The following CNTN4 variants were observed in gnomAD, a reference collection of about 807,000 sequenced individuals.
The protein encoded by CNTN4 is contactin 4.
CNTN4 carries 77 observed loss-of-function variants against 122.5 expected under a neutral mutation model. The observed-to-expected ratio is 0.63, with a 90% confidence interval of 0.52 to 0.76. CNTN4 has a LOEUF of 0.76. Ranked by LOEUF, CNTN4 falls within the 30% of genes least tolerant of loss-of-function variation. CNTN4 has a pLI of 0.00. For missense variants in CNTN4, 1,256 were observed against 1,259.1 expected (o/e 1.00, Z 0.04); for synonymous variants, 512 against 447.0 (o/e 1.15, Z -1.83).
chr3:2,638,955 C>G (rs947622609), intron 4 of CNTN4, among the ~76,000 whole-genome samples: 5 of 152,190 alleles, frequency 3.3e-5, no homozygotes, highest in African/African-American at 1.2e-4. Context: ...CAGCAAGCAT[C>G]TTTCTTCTGG....
chr3:2,346,653 G>T (rs1354945467), intron 3 of CNTN4, among the ~76,000 whole-genome samples: 1 of 152,080 alleles, frequency 6.6e-6, no homozygotes, highest in Non-Finnish European at 1.5e-5. Context: ...AGATATTGTT[G>T]TATTGTTTTC....
chr3:2,895,756 T>G (rs184246471), intron 10 of CNTN4, among the ~76,000 whole-genome samples: 8 of 152,162 alleles, frequency 5.3e-5, no homozygotes, highest in South Asian at 2.1e-4. Flanking sequence ...AAGGAGGGGC[T>G]GGGCGCAGTG....
chr3:2,669,307 G>A (rs2084358576), intron 4 of CNTN4, among the ~76,000 whole-genome samples: 1 of 152,070 alleles, frequency 6.6e-6, no homozygotes, highest in African/African-American at 2.4e-5. Flanking sequence ...ACTTCTTCCT[G>A]GTTTAGTCTT....
intron 3 of CNTN4, among the ~76,000 whole-genome samples, chr3:2,390,045 A>G (rs952841118): frequency 1.3e-5 from 2 of 152,196 alleles, no homozygotes; most frequent in Non-Finnish European, 2.9e-5. Flanking sequence ...CTGGAAAAAT[A>G]TGAATAGGGT....
intron 4 of CNTN4, among the ~76,000 whole-genome samples, chr3:2,670,932 T>C (rs2084474456): frequency 6.6e-6 from 1 of 152,232 alleles, no homozygotes; most frequent in South Asian, 2.1e-4. Flanking sequence ...CCCCACTCTC[T>C]TCTGGCTTGT....
At chr3:2,615,817 A>G (rs960959537) in intron 4 of CNTN4, among the ~76,000 whole-genome samples, 1 of 152,176 alleles carries the variant, frequency 6.6e-6, no homozygotes, top group Non-Finnish European at 1.5e-5. Context: ...AATGACCTAT[A>G]AAAGCACTGA....
intron 4 of CNTN4, among the ~76,000 whole-genome samples, chr3:2,605,203 T>C (rs958189532): frequency 2.6e-5 from 4 of 152,174 alleles, no homozygotes; most frequent in African/African-American, 9.7e-5. Flanking sequence ...GTTCTTGCTA[T>C]GTTGACAAGG....
chr3:2,242,313 C>T (rs887847298), intron 2 of CNTN4, among the ~76,000 whole-genome samples: 1 of 152,158 alleles, frequency 6.6e-6, no homozygotes, highest in South Asian at 2.1e-4. Context: ...CGTGTTTCAT[C>T]TGATTTGGTC....
At chr3:2,191,593 A>C (rs2037548959) in intron 2 of CNTN4, among the ~76,000 whole-genome samples, 1 of 151,784 alleles carries the variant, frequency 6.6e-6, no homozygotes, top group Non-Finnish European at 1.5e-5. Context: ...TTTTTTTATT[A>C]GCTAGTCATA....
At chr3:2,689,862 G>A (rs751978724) in intron 4 of CNTN4, among the ~76,000 whole-genome samples, 4 of 151,998 alleles carry the variant, frequency 2.6e-5, no homozygotes, top group African/African-American at 7.2e-5. Flanking sequence ...AATTCTTACC[G>A]GTTCACTGTT....
chr3:2,401,183 C>A (rs891708092), intron 3 of CNTN4, among the ~76,000 whole-genome samples: 2 of 152,102 alleles, frequency 1.3e-5, no homozygotes, highest in African/African-American at 4.8e-5. Flanking sequence ...ATCTGAGTTA[C>A]GTTCTTTGGA....
intron 4 of CNTN4, among the ~76,000 whole-genome samples, chr3:2,634,770 C>T (rs539311684): frequency 2.6e-5 from 4 of 151,656 alleles, no homozygotes; most frequent in African/African-American, 7.2e-5. Flanking sequence ...GCAGGAGAAT[C>T]GCTTGAACCC....
At chr3:2,400,428 C>CATACATATATATAT (rs1156582228) in intron 3 of CNTN4, among the ~76,000 whole-genome samples, 30 of 95,820 alleles carry the variant, frequency 3.1e-4, no homozygotes, top group Middle Eastern at 6.4e-3. Flanking sequence ...TATATATATA[C>CATACATATATATAT]ATATATATAT....
intron 4 of CNTN4, among the ~76,000 whole-genome samples, chr3:2,575,147 T>G (rs534498846): frequency 6.6e-6 from 1 of 152,234 alleles, no homozygotes; most frequent in Non-Finnish European, 1.5e-5. Context: ...CTTTTCAAAT[T>G]ATATGAATAT....
At chr3:2,726,954 C>T (rs1488844934) in intron 4 of CNTN4, among the ~76,000 whole-genome samples, 1 of 151,994 alleles carries the variant, frequency 6.6e-6, no homozygotes, top group Non-Finnish European at 1.5e-5. Flanking sequence ...GTGCTCTGCT[C>T]CATTTTTCTG....
intron 13 of CNTN4, among the ~76,000 whole-genome samples, chr3:2,932,251 G>A (rs1012094469): frequency 2.0e-5 from 3 of 152,108 alleles, no homozygotes; most frequent in South Asian, 2.1e-4. Context: ...GGTGGTGGGC[G>A]CCTGTAGTCC....
intron 3 of CNTN4, among the ~76,000 whole-genome samples, chr3:2,556,885 A>G (rs537454388): frequency 9.9e-5 from 15 of 152,140 alleles, no homozygotes; most frequent in African/African-American, 3.1e-4. Context: ...AAGAAATGGA[A>G]CAAAGTTTTT....
chr3:2,590,632 C>G (rs2080426451), intron 4 of CNTN4, among the ~76,000 whole-genome samples: 1 of 151,954 alleles, frequency 6.6e-6, no homozygotes, highest in African/African-American at 2.4e-5. Flanking sequence ...TCATACAACT[C>G]CCTCTGAGCT....
At chr3:2,849,675 GA>G (rs1414900299) in intron 7 of CNTN4, among the ~76,000 whole-genome samples, 1 of 152,190 alleles carries the variant, frequency 6.6e-6, no homozygotes, top group Non-Finnish European at 1.5e-5. Context: ...ATAAGGTTGG[GA>G]TTGATGGACG....
Sources: allele counts gnomAD v4.1 joint callset (sites outside exome capture counted in the v4.1 genomes callset), GRCh38; gene constraint gnomAD v4.1.1; transcripts MANE v1.5; gene names NCBI Gene and HGNC (gene_info 2026-07-23, HGNC 2026-07-21).